IL37: variants seen among roughly 807,000 people sequenced by gnomAD.
IL37 encodes the protein interleukin 37.
A neutral mutation model predicts 15.4 loss-of-function variants in IL37; 15 were observed. The observed-to-expected ratio is 0.98, with a 90% CI of 0.65 to 1.50. The LOEUF is 1.50. Among genes scored for constraint, IL37 ranks in the 40% most tolerant of loss-of-function variants. IL37 has a pLI of 0.00. For synonymous variants in IL37, 98 were observed against 97.4 expected (o/e 1.01, Z -0.03); for missense variants, 269 against 261.7 (o/e 1.03, Z -0.19).
In IL37 at chr2:112,918,836, C is replaced by G. The variant is rs768749773; in HGVS notation, c.*27C>G. ...AAACTGCCCCATTGAACGCCTTCCT[C>G]GCTAATTTGAACTAATTGTATAAAA... is the stretch of plus-strand genomic sequence containing the variant. On this transcript the variant is annotated 3_prime_UTR_variant, in exon 6 of 6. Transcript: ENST00000263326. 1 of 1,594,590 alleles carries G rather than the reference C, an allele frequency of 6.3e-7. No individual in the cohort carries two copies. Among genetic ancestry groups the G allele is most frequent in the Admixed American group, 1.7e-5 (1 of 58,356 alleles).
In IL37 at chr2:112,918,607, G is replaced by A. The variant is rs377488590; in HGVS notation, c.455G>A (p.Arg152Gln). Residue 152 changes from arginine (R) to glutamine (Q), a missense_variant, in exon 6 of 6, where the codon CGG (arginine) becomes CAG (glutamine). Coordinates refer to ENST00000263326, the MANE Select transcript of IL37 (RefSeq NM_014439.4). ...KLAAQKESARRPFIFYRAQVG... is the reference protein window; with the variant it reads ...KLAAQKESARQPFIFYRAQVG... Reference sequence around the variant, plus strand: ...GCTGCCCAAAAGGAATCAGCACGCCGGCCCTTCATCTTTTATAGGGCTCAG... The same window carrying A: ...GCTGCCCAAAAGGAATCAGCACGCCAGCCCTTCATCTTTTATAGGGCTCAG... 22 of 1,613,440 alleles carry A rather than the reference G, an allele frequency of 1.4e-5. No homozygotes were observed. In the African/African-American group the frequency reaches 1.9e-4, roughly 14 times the overall value.
intron 3 of IL37, among the ~76,000 whole-genome samples, chr2:112,914,398 A>T (rs1410348769): frequency 4.6e-5 from 7 of 152,194 alleles, no homozygotes; most frequent in Non-Finnish European, 1.0e-4. Context: ...CAGATGTGGA[A>T]ATTTAAAGGT....
At chr2:112,913,659 A>G (rs1683231244) in intron 2 of IL37, 133 bp from the exon 3 acceptor site, 2 of 725,004 alleles carry the variant, frequency 2.8e-6, no homozygotes, top group African/African-American at 1.7e-5. Context: ...GCTATGATTT[A>G]ATGTCATTAC....
At chr2:112,913,881 G>T in intron 3 of IL37, 27 bp downstream of exon 3, 1 of 1,586,592 alleles carries the variant, frequency 6.3e-7, no homozygotes, top group Non-Finnish European at 8.7e-7. Context: ...AGGTGATGGG[G>T]GTGGCTGAGG....
chr2:112,914,162 C>T (rs753400593), intron 3 of IL37, among the ~76,000 whole-genome samples: 4 of 152,142 alleles, frequency 2.6e-5, no homozygotes. Flanking sequence ...CACAGACCTC[C>T]TCCCAGCACT....
At chr2:112,912,123 C>A (rs1683190450) in intron 1 of IL37, among the ~76,000 whole-genome samples, 2 of 152,156 alleles carry the variant, frequency 1.3e-5, no homozygotes, top group South Asian at 4.1e-4. Context: ...ACACAAACTG[C>A]CTATCTCTGC....
intron 1 of IL37, among the ~76,000 whole-genome samples, chr2:112,912,367 T>C (rs1558800442): frequency 6.6e-6 from 1 of 152,160 alleles, no homozygotes; most frequent in Non-Finnish European, 1.5e-5. Context: ...ATATTAGGGA[T>C]TGAGCCTCCT....
rs117078716 is a variant in IL37, at chr2:112,914,588, G to A, written c.145+734G>A. Among the ~76,000 whole-genome samples, 5 of 152,332 alleles carry A rather than the reference G, an allele frequency of 3.3e-5. No homozygotes were observed. In the East Asian group the frequency reaches 9.7e-4, roughly 29 times the overall value. On this transcript the variant is annotated intron_variant, in intron 3 of 5. Coordinates refer to ENST00000263326, the MANE Select transcript of IL37 (RefSeq NM_014439.4). Reference sequence around the variant, plus strand: ...GGGACCAGGTGTGTAAGGGTGCCTGGCACAGTTGGGGGAGGCTGCTGTCAC... The same window carrying A: ...GGGACCAGGTGTGTAAGGGTGCCTGACACAGTTGGGGGAGGCTGCTGTCAC...
intron 2 of IL37, among the ~76,000 whole-genome samples, chr2:112,913,437 G>A (rs2466449): frequency 0.93 from 142,038 of 152,178 alleles, 66,910 homozygotes; most frequent in Non-Finnish European, 1. Flanking sequence ...ATGAGAAGCA[G>A]CTCTCTAAGG....
At chr2:112,913,425 C>T (rs2708955) in intron 2 of IL37, among the ~76,000 whole-genome samples, 14,450 of 152,192 alleles carry the variant, frequency 0.095, 894 homozygotes, top group African/African-American at 0.16. Context: ...GAGAAGCCTC[C>T]GATGAGAAGC....
Position 112,918,656 on chromosome 2 carries a change from G to A in IL37, c.504G>A (p.Glu168=), listed in dbSNP as rs759324370. 10 of 1,614,150 alleles carry A rather than the reference G, an allele frequency of 6.2e-6. No individual in the cohort carries two copies. Among genetic ancestry groups the A allele is most frequent in the Non-Finnish European group, 8.5e-6 (10 of 1,180,038 alleles). The change falls in exon 6 of 6, where the codon GAG becomes GAA. Residue 168 remains glutamate (E), a synonymous_variant. Transcript: ENST00000263326. ...RAQVGSWNML[E]SAAHPGWFIC... is the part of the protein sequence containing the mutation. ...AGGTGGGCTCCTGGAACATGCTGGAGTCGGCGGCTCACCCCGGATGGTTCA... is the reference window on the plus strand; with the variant it reads ...AGGTGGGCTCCTGGAACATGCTGGAATCGGCGGCTCACCCCGGATGGTTCA...
At chr2:112,915,538 T>C (rs1312292760) in intron 3 of IL37, among the ~76,000 whole-genome samples, 1 of 152,164 alleles carries the variant, frequency 6.6e-6, no homozygotes, top group East Asian at 1.9e-4. Context: ...TACTGAACCA[T>C]AGTTTGCAGG....
In IL37 at chr2:112,917,144, A is replaced by G. The variant is rs2723183; in HGVS notation, c.161A>G (p.Asn54Ser). ...ATTGATCTAGGTCCAAAGGTGAAGA[A>G]CTTAAACCCGAAGAAATTCAGCATT... is the stretch of plus-strand genomic sequence containing the variant. ...NFVHTSPKVK[N>S]LNPKKFSIHD... is the part of the protein sequence containing the mutation. Residue 54 changes from asparagine (N) to serine (S), a missense_variant, in exon 4 of 6, where the codon AAC becomes AGC. Asn to Ser is a conservative substitution (Grantham distance 46, BLOSUM62 1). Transcript: ENST00000263326. The G allele has an allele frequency of 0.077, 124,376 of 1,612,344 alleles. 5,640 individuals are homozygous for G. The highest frequency in any genetic ancestry group is 0.17 in the African/African-American group (12,428 of 74,924).
intron 3 of IL37, among the ~76,000 whole-genome samples, chr2:112,915,829 G>A (rs1434127075): frequency 6.6e-6 from 1 of 152,204 alleles, no homozygotes; most frequent in African/African-American, 2.4e-5. Flanking sequence ...GGTGGGAGGT[G>A]GAGGATCACG....
In IL37 at chr2:112,918,671, C is replaced by T. The variant is rs554591883; in HGVS notation, c.519C>T (p.Pro173=). 9.3e-6 allele frequency: 15 copies of T among 1,614,112 alleles called. No homozygotes were observed. The highest frequency in any genetic ancestry group is 3.3e-5 in the South Asian group (3 of 91,080). Residue 173 remains proline (P), a synonymous_variant, in exon 6 of 6, where the codon CCC becomes CCT. Transcript: ENST00000263326. ...ACATGCTGGAGTCGGCGGCTCACCC[C>T]GGATGGTTCATCTGCACCTCCTGCA... ...SWNMLESAAH[P]GWFICTSCNC...
intron 3 of IL37, chr2:112,915,238 A>G (rs779805167): frequency 4.1e-5 from 66 of 1,613,894 alleles, no homozygotes; most frequent in Non-Finnish European, 5.1e-5. Context: ...AGGAAAGAAC[A>G]GCTTTAAGAA....
intron 2 of IL37, 67 bp downstream of exon 2, chr2:112,913,161 G>T (rs1047122588): frequency 9.3e-7 from 1 of 1,077,752 alleles, no homozygotes. Context: ...TTTGCTAGGT[G>T]CTGTGCACAG....
chr2:112,914,342 C>T (rs964522829), intron 3 of IL37, among the ~76,000 whole-genome samples: 1 of 152,200 alleles, frequency 6.6e-6, no homozygotes, highest in Non-Finnish European at 1.5e-5. Context: ...GAAACCGAGA[C>T]AGACAGTGGA....
At position 112,917,265 on chromosome 2, in the gene IL37, G is replaced by C. The variant is rs769067532; in HGVS notation, c.265+17G>C. 1 of 1,613,344 alleles carries C rather than the reference G, an allele frequency of 6.2e-7. No homozygotes were observed. The highest frequency in any genetic ancestry group is 1.1e-5 in the South Asian group (1 of 90,892). Reference sequence around the variant, plus strand: ...TACGCCCAGGTGACTCTCAGTTTTGGCTGTGTTTTCTGCCTCCACCTAGCA... The same window carrying C: ...TACGCCCAGGTGACTCTCAGTTTTGCCTGTGTTTTCTGCCTCCACCTAGCA... On this transcript the variant is annotated intron_variant, in intron 4 of 5. Coordinates refer to ENST00000263326, the MANE Select transcript of IL37 (RefSeq NM_014439.4).
Sources: allele counts gnomAD v4.1 joint callset (sites outside exome capture counted in the v4.1 genomes callset), GRCh38; gene constraint gnomAD v4.1.1; transcripts MANE v1.5; gene names NCBI Gene and HGNC (gene_info 2026-07-23, HGNC 2026-07-21).